DPYD: variants seen among roughly 807,000 people sequenced by gnomAD.
DPYD encodes dihydropyrimidine dehydrogenase.
A neutral mutation model predicts 116.2 loss-of-function variants in DPYD; 109 were observed. The ratio of observed to expected loss-of-function variants is 0.94; its 90% CI spans 0.80 to 1.10. The LOEUF is 1.10. Ranked by LOEUF, DPYD falls within the 50% of genes least tolerant of loss-of-function variation. The pLI, the probability that DPYD is intolerant of heterozygous loss-of-function variation, is 0.00. For synonymous variants in DPYD, 440 were observed against 432.0 expected (o/e 1.02, Z -0.23); for missense variants, 1,302 against 1,254.5 (o/e 1.04, Z -0.57).
intron 8 of DPYD, among the ~76,000 whole-genome samples, chr1:97,624,385 T>C (rs1426668230): frequency 6.6e-6 from 1 of 152,058 alleles, no homozygotes; most frequent in Non-Finnish European, 1.5e-5. Flanking sequence ...TCAATATCAC[T>C]AATCACTAGG....
intron 12 of DPYD, among the ~76,000 whole-genome samples, chr1:97,542,577 C>T (rs1436556473): frequency 6.6e-6 from 1 of 152,084 alleles, no homozygotes; most frequent in Non-Finnish European, 1.5e-5. Flanking sequence ...ATTCCACATC[C>T]TAATACCCAC....
At chr1:97,757,832 G>A (rs1665333790) in intron 3 of DPYD, among the ~76,000 whole-genome samples, 1 of 152,138 alleles carries the variant, frequency 6.6e-6, no homozygotes, top group African/African-American at 2.4e-5. Context: ...AAGTTCCACT[G>A]TGGATCCAAG....
chr1:97,537,160 A>G (rs1043668911), intron 12 of DPYD, among the ~76,000 whole-genome samples: 1 of 152,184 alleles, frequency 6.6e-6, no homozygotes, highest in Non-Finnish European at 1.5e-5. Context: ...TGTTTTCTAA[A>G]ATCCCTGACT....
At chr1:97,282,689 T>A (rs1046566028) in intron 18 of DPYD, among the ~76,000 whole-genome samples, 2 of 152,064 alleles carry the variant, frequency 1.3e-5, no homozygotes, top group African/African-American at 4.8e-5. Flanking sequence ...TAGTTAATCA[T>A]CATAGGTAGT....
chr1:97,523,440 C>A (rs926284546), intron 12 of DPYD, among the ~76,000 whole-genome samples: 1 of 151,986 alleles, frequency 6.6e-6, no homozygotes, highest in Non-Finnish European at 1.5e-5. Context: ...ATCAGGAGCC[C>A]CAAATATATA....
chr1:97,686,289 A>G (rs1316454241), intron 7 of DPYD, among the ~76,000 whole-genome samples: 1 of 152,196 alleles, frequency 6.6e-6, no homozygotes. Flanking sequence ...CAGAAAATTG[A>G]AACTAGACCC....
chr1:97,418,426 G>A (rs1333960192), intron 14 of DPYD, among the ~76,000 whole-genome samples: 4 of 151,270 alleles, frequency 2.6e-5, no homozygotes, highest in African/African-American at 7.3e-5. Flanking sequence ...TCAGCCTCCC[G>A]AGTAACTAGG....
rs1373433855 is a variant in DPYD at position 97,310,891 on chromosome 1, T to C, written c.2059-4594A>G. ...GAGTTGAATAAACAAAATTGCTGCA[T>C]ATCCACGCAATGAAATATGATTCAA... is the stretch of plus-strand genomic sequence containing the variant. On this transcript the variant is annotated intron_variant, in intron 16 of 22. Coordinates refer to ENST00000370192, the MANE Select transcript of DPYD (RefSeq NM_000110.4). Among the ~76,000 whole-genome samples, 3 of 151,808 alleles carry C rather than the reference T, an allele frequency of 2.0e-5. 1 individual carries two copies. The highest frequency in any genetic ancestry group is 4.1e-4 in the South Asian group (2 of 4,836).
At chr1:97,545,212 A>G (rs1002630826) in intron 12 of DPYD, among the ~76,000 whole-genome samples, 2 of 152,184 alleles carry the variant, frequency 1.3e-5, no homozygotes, top group Non-Finnish European at 2.9e-5. Flanking sequence ...ATGTGCACCA[A>G]TGTAAATCTT....
At chr1:97,701,457 A>G (rs1416769673) in intron 5 of DPYD, among the ~76,000 whole-genome samples, 1 of 151,738 alleles carries the variant, frequency 6.6e-6, no homozygotes, top group Non-Finnish European at 1.5e-5. Flanking sequence ...TCCATATTAT[A>G]GGTAAGTTAT....
intron 20 of DPYD, among the ~76,000 whole-genome samples, chr1:97,141,621 C>A (rs982461591): frequency 2.0e-5 from 3 of 152,112 alleles, no homozygotes; most frequent in Non-Finnish European, 4.4e-5. Flanking sequence ...TTTACATAGC[C>A]CTTATCACCG....
intron 20 of DPYD, among the ~76,000 whole-genome samples, chr1:97,170,758 C>T (rs1656667623): frequency 1.3e-5 from 2 of 151,944 alleles, no homozygotes; most frequent in Non-Finnish European, 1.5e-5. Context: ...TCACTGCAAC[C>T]TCCGCCTCCT....
chr1:97,443,770 G>A (rs1297038090), intron 14 of DPYD, among the ~76,000 whole-genome samples: 1 of 152,170 alleles, frequency 6.6e-6, no homozygotes, highest in South Asian at 2.1e-4. Flanking sequence ...CGAGTTGTCT[G>A]AGTGACAAAA....
chr1:97,139,180 C>T (rs1234976752), intron 20 of DPYD, among the ~76,000 whole-genome samples: 1 of 152,072 alleles, frequency 6.6e-6, no homozygotes, highest in Non-Finnish European at 1.5e-5. Flanking sequence ...TGATCCTATT[C>T]TGATCGATGC....
Position 97,306,190 on chromosome 1 carries a change from T to C in DPYD, c.2166A>G (p.Arg722=), listed in dbSNP as rs1291062642. The change falls in exon 17 of 23, where the codon AGA becomes AGG. Residue 722 remains arginine, a synonymous_variant. Coordinates refer to ENST00000370192, the MANE Select transcript of DPYD (RefSeq NM_000110.4). ...PNVTDIVSIA[R]AAKEGGANGV... The stretch of plus-strand genomic sequence containing the variant: ...TCAAGTTCTTACCTTCCTTTGCAGC[T>C]CTTGCGATGCTCACAATATCAGTGA... 1 of 1,612,424 alleles carries C rather than the reference T, an allele frequency of 6.2e-7. No individual in the cohort carries two copies. Among genetic ancestry groups the C allele is most frequent in the Non-Finnish European group, 8.5e-7 (1 of 1,178,900 alleles).
intron 13 of DPYD, among the ~76,000 whole-genome samples, chr1:97,454,871 T>A (rs1302916672): frequency 6.6e-6 from 1 of 151,748 alleles, no homozygotes; most frequent in Non-Finnish European, 1.5e-5. Context: ...AGAAAAAGAA[T>A]GGGGTCAAAC....
intron 7 of DPYD, among the ~76,000 whole-genome samples, chr1:97,688,780 G>A (rs1486814624): frequency 6.6e-6 from 1 of 151,810 alleles, no homozygotes; most frequent in South Asian, 2.1e-4. Flanking sequence ...ATAAATAAAT[G>A]AATGCACAAG....
At chr1:97,448,921 T>C (rs1162380427) in intron 14 of DPYD, among the ~76,000 whole-genome samples, 4 of 152,136 alleles carry the variant, frequency 2.6e-5, no homozygotes, top group African/African-American at 9.7e-5. Context: ...ACGTATTTTA[T>C]TTCAAATGCA....
chr1:97,675,536 CTT>C (rs1660096761), intron 8 of DPYD, among the ~76,000 whole-genome samples: 1 of 152,116 alleles, frequency 6.6e-6, no homozygotes, highest in African/African-American at 2.4e-5. Context: ...AAATGAGAGA[CTT>C]TTCATGAGCA....
Sources: gnomAD v4.1 joint callset for allele counts (sites outside exome capture counted in the v4.1 genomes callset) on GRCh38, gnomAD v4.1.1 for gene constraint, MANE v1.5 for transcripts, NCBI Gene and HGNC (gene_info 2026-07-23, HGNC 2026-07-21) for gene names.